The following DOCK3 variants were observed in gnomAD, a reference collection of about 807,000 sequenced individuals.
The protein encoded by DOCK3 is dedicator of cytokinesis protein 3.
In DOCK3, 60 loss-of-function variants were observed where a neutral mutation model predicts 265.6. That is an observed-to-expected ratio of 0.23 (90% CI 0.18 to 0.28). DOCK3 has a LOEUF of 0.28. Ranked by LOEUF, DOCK3 falls within the 10% of genes least tolerant of loss-of-function variation. The pLI, the probability that DOCK3 is intolerant of heterozygous loss-of-function variation, is 1.00. For missense variants in DOCK3, 1,981 were observed against 2,594.3 expected (o/e 0.76, Z 5.14); for synonymous variants, 881 against 938.0 (o/e 0.94, Z 1.11).
chr3:50,939,318 A>G (rs2051567899), intron 5 of DOCK3, among the ~76,000 whole-genome samples: 1 of 152,052 alleles, frequency 6.6e-6, no homozygotes, highest in South Asian at 2.1e-4. Context: ...AATAAATAAC[A>G]CTAGTTTTAT....
chr3:51,381,334 C>A lies in DOCK3; in HGVS notation c.5868C>A (p.His1956Gln). Residue 1956 changes from histidine to glutamine, a missense_variant, in exon 53 of 53, where the codon CAC becomes CAA. His to Gln is a conservative substitution (Grantham distance 24). Around this residue, in one of 4 missense-constraint regions of DOCK3, gnomAD observed 149 missense variants for 144.7 expected, o/e 1.03. Transcript: ENST00000266037. The surrounding 1 kb of genome is among the most constrained non-coding windows in gnomAD (Gnocchi z 5.6). ...TCAAGGCCCAGCCATGCCGAAGCCACTCAGCCCCAGGGTGCGTCATCCCTC... is the reference window on the plus strand; with the variant it reads ...TCAAGGCCCAGCCATGCCGAAGCCAATCAGCCCCAGGGTGCGTCATCCCTC... ...DSIKAQPCRSHSAPGCVIPQD... is the reference protein window; with the variant it reads ...DSIKAQPCRSQSAPGCVIPQD... 1 of 1,613,524 alleles carries A rather than the reference C, an allele frequency of 6.2e-7. No individual in the cohort carries two copies. Among genetic ancestry groups the A allele is most frequent in the Non-Finnish European group, 8.5e-7 (1 of 1,179,880 alleles).
At chr3:50,968,568 TGAGACGGA>T (rs2077101968) in intron 5 of DOCK3, among the ~76,000 whole-genome samples, 1 of 151,782 alleles carries the variant, frequency 6.6e-6, no homozygotes. Context: ...TTTTTTTTTT[TGAGACGGA>T]GTCTCTCTCT....
chr3:51,312,179 C>A, intron 29 of DOCK3, 100 bp downstream of exon 29: 2 of 1,080,322 alleles, frequency 1.9e-6, no homozygotes, highest in South Asian at 2.9e-5. Context: ...TTCATAGTAT[C>A]AAACAGCTTC....
In DOCK3 at chr3:51,338,338, C is replaced by T. The variant is rs924630262; in HGVS notation, c.3612-21C>T. ...AAGGCCCCACTTCATATCTGGTGCTCATCTGTGCTCTCTCTTCCAGGGACT... is the reference window on the plus strand; with the variant it reads ...AAGGCCCCACTTCATATCTGGTGCTTATCTGTGCTCTCTCTTCCAGGGACT... On this transcript the variant is annotated intron_variant, in intron 35 of 52. Coordinates refer to ENST00000266037, the MANE Select transcript of DOCK3 (RefSeq NM_004947.5). 4.5e-6 allele frequency: 7 copies of T among 1,551,404 alleles called. No individual in the cohort carries two copies. The African/African-American group carries it at 9.6e-5, about 21-fold the overall frequency.
rs768940993 is a variant in DOCK3, at chr3:51,237,560, A to G, written c.2072A>G (p.Gln691Arg). 59 of 1,613,560 alleles carry G rather than the reference A, an allele frequency of 3.7e-5. No individual in the cohort carries two copies. The highest frequency in any genetic ancestry group is 5.0e-5 in the Non-Finnish European group (59 of 1,179,802). The change falls in exon 21 of 53, where the codon CAG becomes CGG. Residue 691 changes from glutamine (Q) to arginine (R), a missense_variant. Gln to Arg is a conservative substitution (Grantham distance 43). Coordinates refer to ENST00000266037, the MANE Select transcript of DOCK3 (RefSeq NM_004947.5). ...HFRPVMDTYI[Q>R]KHFAGALAYK... is the part of the protein sequence containing the mutation. ...CGACCTGTGATGGACACGTATATCC[A>G]GAAGCACTTTGCTGGAGCTCTGGCA... is the stretch of plus-strand genomic sequence containing the variant.
chr3:50,835,162 C>T (rs1044343367), intron 2 of DOCK3, among the ~76,000 whole-genome samples: 1 of 152,182 alleles, frequency 6.6e-6, no homozygotes, highest in Non-Finnish European at 1.5e-5. Context: ...AAACCTTCAG[C>T]TATATCCTGT....
chr3:51,249,615 C>G (rs1362088697), intron 22 of DOCK3, among the ~76,000 whole-genome samples: 1 of 117,360 alleles, frequency 8.5e-6, no homozygotes, highest in Non-Finnish European at 1.8e-5. Context: ...GGTCAGCCCC[C>G]CGCCCGGCCA....
At chr3:50,926,731 A>ACT (rs2050779110) in intron 4 of DOCK3, among the ~76,000 whole-genome samples, 1 of 152,184 alleles carries the variant, frequency 6.6e-6, no homozygotes, top group South Asian at 2.1e-4. Context: ...TGGAGTTGGT[A>ACT]CAGCATTAGA....
At chr3:50,735,614 G>A (rs573102552) in intron 1 of DOCK3, among the ~76,000 whole-genome samples, 18 of 152,182 alleles carry the variant, frequency 1.2e-4, no homozygotes, top group Admixed American at 7.9e-4. Flanking sequence ...CTGGGATTGC[G>A]GGGTGAGCCA....
intron 1 of DOCK3, among the ~76,000 whole-genome samples, chr3:50,764,535 C>T (rs887050275): frequency 1.3e-5 from 2 of 152,118 alleles, no homozygotes; most frequent in Admixed American, 6.5e-5. Flanking sequence ...TCTTGGAAAC[C>T]ATCCTGTATG....
intron 5 of DOCK3, among the ~76,000 whole-genome samples, chr3:50,975,381 C>T (rs78440693): frequency 0.05 from 7,049 of 139,676 alleles, 264 homozygotes; most frequent in Non-Finnish European, 0.064. Context: ...AGGCCTTTTC[C>T]GCATCTATTG....
At chr3:51,168,195 A>G (rs1560153629) in intron 12 of DOCK3, among the ~76,000 whole-genome samples, 1 of 152,166 alleles carries the variant, frequency 6.6e-6, no homozygotes, top group African/African-American at 2.4e-5. Context: ...AGTGCTATGC[A>G]CTATCAAACT....
chr3:51,182,022 T>C (rs1222213241), intron 12 of DOCK3, among the ~76,000 whole-genome samples: 1 of 152,178 alleles, frequency 6.6e-6, no homozygotes, highest in Non-Finnish European at 1.5e-5. Context: ...AAATTTTTTG[T>C]AGAAAGAGTA....
At chr3:50,678,871 G>A (rs1363542902) in intron 1 of DOCK3, among the ~76,000 whole-genome samples, 1 of 151,794 alleles carries the variant, frequency 6.6e-6, no homozygotes, top group African/African-American at 2.4e-5. Flanking sequence ...GTGCAGTGGC[G>A]TGATCTCGGC....
intron 6 of DOCK3, among the ~76,000 whole-genome samples, chr3:51,071,198 T>C (rs2081852560): frequency 6.6e-6 from 1 of 152,198 alleles, no homozygotes; most frequent in Non-Finnish European, 1.5e-5. Context: ...TGAAAGAATA[T>C]TGGGTCAGGA....
chr3:50,739,800 C>T (rs1196408781), intron 1 of DOCK3, among the ~76,000 whole-genome samples: 1 of 152,058 alleles, frequency 6.6e-6, no homozygotes, highest in African/African-American at 2.4e-5. Flanking sequence ...CTGTTTCCTT[C>T]TCTATCGATT....
At chr3:50,972,433 C>G (rs2077265959) in intron 5 of DOCK3, among the ~76,000 whole-genome samples, 1 of 152,248 alleles carries the variant, frequency 6.6e-6, no homozygotes, top group African/African-American at 2.4e-5. Flanking sequence ...CCTTTTAGAA[C>G]TAAGCACAAC....
intron 33 of DOCK3, among the ~76,000 whole-genome samples, chr3:51,332,177 T>C (rs1177210973): frequency 1.3e-5 from 2 of 152,158 alleles, no homozygotes; most frequent in African/African-American, 2.4e-5. Context: ...TCTCATGACC[T>C]TAGAGAGCAA....
At chr3:50,866,092 G>T (rs1032689759) in intron 3 of DOCK3, among the ~76,000 whole-genome samples, 2 of 151,982 alleles carry the variant, frequency 1.3e-5, no homozygotes, top group African/African-American at 4.8e-5. Flanking sequence ...TGTTCATTTC[G>T]TTGATTGTTT....
Sources: allele counts gnomAD v4.1 joint callset (sites outside exome capture counted in the v4.1 genomes callset), GRCh38; gene constraint gnomAD v4.1.1; regional missense constraint gnomAD v4.1.1; non-coding constraint Gnocchi (gnomAD v3.1); transcripts MANE v1.5; gene names NCBI Gene and HGNC (gene_info 2026-07-23, HGNC 2026-07-21).